Variants in CYP4V2 observed in about 807,000 individuals in gnomAD.
CYP4V2 encodes the protein cytochrome P450 family 4 subfamily V member 2, also known as cytochrome P450 4V2.
Under a neutral mutation model 60.8 loss-of-function variants are expected in CYP4V2, and 55 were observed. That is an observed-to-expected ratio of 0.90 (90% CI 0.73 to 1.13). The LOEUF is 1.13. Ranked by LOEUF, CYP4V2 falls within the 50% of genes most tolerant of loss-of-function variation. The pLI is 0.00. For synonymous variants in CYP4V2, 239 were observed against 236.8 expected (o/e 1.01, Z -0.08); for missense variants, 675 against 662.9 (o/e 1.02, Z -0.20).
In CYP4V2 at chr4:186,196,952, A is replaced by G. The variant is rs1274455104; in HGVS notation, c.426A>G (p.Lys142=). 2 of 1,613,176 alleles carry G rather than the reference A, an allele frequency of 1.2e-6. No individual in the cohort carries two copies. Among genetic ancestry groups the G allele is most frequent in the Non-Finnish European group, 1.7e-6 (2 of 1,180,014 alleles). The change falls in exon 4 of 11, where the codon AAA becomes AAG. Residue 142 remains lysine (K), a synonymous_variant. Coordinates refer to ENST00000378802, the MANE Select transcript of CYP4V2 (RefSeq NM_207352.4). ...ATTTTATTTCTAGTACTGGAAACAA[A>G]TGGCGCTCCAGGAGAAAGATGTTAA... ...GLGLLTSTGN[K]WRSRRKMLTP...
At position 186,197,060 on chromosome 4, in the gene CYP4V2, A is replaced by C; in HGVS notation, c.534A>C (p.Glu178Asp). 2 of 1,613,788 alleles carry C rather than the reference A, an allele frequency of 1.2e-6. No homozygotes were observed. Among genetic ancestry groups the C allele is most frequent in the Non-Finnish European group, 1.7e-6 (2 of 1,179,978 alleles). The change falls in exon 4 of 11, where the codon GAA becomes GAC. Residue 178 changes from glutamate (E) to aspartate (D), a missense_variant. Transcript: ENST00000378802. ...EQANILVKKL[E>D]KHINQEAFNC... ...CAAATATATTGGTTAAGAAACTTGA[A>C]AAACACATTAACCAAGAAGCATTTA...
At chr4:186,201,542 C>G in intron 7 of CYP4V2, 200 bp downstream of exon 7, 1 of 568,354 alleles carries the variant, frequency 1.8e-6, no homozygotes, top group Admixed American at 3.2e-5. Context: ...TTGACTAGTG[C>G]TGGGCACAGC....
At chr4:186,208,273 C>T (rs948964140) in intron 8 of CYP4V2, among the ~76,000 whole-genome samples, 32 of 149,796 alleles carry the variant, frequency 2.1e-4, no homozygotes, top group African/African-American at 7.4e-4. Flanking sequence ...TATTTAGCAT[C>T]CCCTGCCTTG....
At chr4:186,196,385 A>C (rs887937847) in intron 3 of CYP4V2, 14 of 436,562 alleles carry the variant, frequency 3.2e-5, no homozygotes, top group African/African-American at 2.8e-4. Context: ...GGACACAGTA[A>C]AGCAAAGGAG....
chr4:186,212,514 A>C lies in CYP4V2; in HGVS notation c.*1873A>C, dbSNP rs1032178162. On this transcript the variant is annotated 3_prime_UTR_variant, in exon 11 of 11. Transcript: ENST00000378802. The stretch of plus-strand genomic sequence containing the variant: ...TTTAAACAAGATTGGTTTTGTTTTC[A>C]ATTTTTATTCACTCTTCATAGAATC... 2 of 152,200 alleles carry C rather than the reference A, an allele frequency of 1.3e-5. No individual in the cohort carries two copies. The highest frequency in any genetic ancestry group is 4.8e-5 in the African/African-American group (2 of 41,444). The allele number at this position is 152,200 out of a possible 1,614,324, so 9.4% of individuals were successfully genotyped here.
intron 8 of CYP4V2, among the ~76,000 whole-genome samples, chr4:186,205,856 TC>T (rs1285547381): frequency 3.3e-5 from 5 of 152,260 alleles, no homozygotes; most frequent in East Asian, 1.9e-4. Flanking sequence ...TGATTGACGT[TC>T]CAAGCATCAC....
chr4:186,196,776 T>G (rs1375027039), intron 3 of CYP4V2, 164 bp from the exon 4 acceptor site: 5 of 647,708 alleles, frequency 7.7e-6, no homozygotes, highest in Non-Finnish European at 1.3e-5. Context: ...TGTGTATATC[T>G]TTGTCATTCT....
intron 7 of CYP4V2, chr4:186,204,818 G>A (rs1001229726): frequency 4.6e-5 from 16 of 345,916 alleles, no homozygotes; most frequent in Admixed American, 2.3e-4. Context: ...ATCAACAGGT[G>A]AGGCCCACCT....
chr4:186,210,092 T>C (rs891465901), intron 10 of CYP4V2, among the ~76,000 whole-genome samples: 70 of 152,218 alleles, frequency 4.6e-4, no homozygotes, highest in Non-Finnish European at 1.5e-4. Context: ...TTGTCATTTA[T>C]GTAAATGCAG....
chr4:186,194,653 T>A (rs775367222), intron 2 of CYP4V2, 41 bp downstream of exon 2: 1 of 1,515,920 alleles, frequency 6.6e-7, no homozygotes, highest in Non-Finnish European at 9.2e-7. Context: ...ACTGTGTATC[T>A]GACAGTGTGA....
Position 186,191,751 on chromosome 4 carries a change from G to T in CYP4V2, c.-73G>T, listed in dbSNP as rs1382463612. ...GCGGGGAAGTGGGCGGTGTGCGGCCGGCACCGCCTCGCACCACGCCCCCGC... is the reference window on the plus strand; with the variant it reads ...GCGGGGAAGTGGGCGGTGTGCGGCCTGCACCGCCTCGCACCACGCCCCCGC... On this transcript the variant is annotated 5_prime_UTR_variant, in exon 1 of 11. Coordinates refer to ENST00000378802, the MANE Select transcript of CYP4V2 (RefSeq NM_207352.4). The T allele has an allele frequency of 7.7e-6, 10 of 1,304,444 alleles. No individual in the cohort carries two copies. The highest frequency in any genetic ancestry group is 9.8e-6 in the Non-Finnish European group (10 of 1,020,740). 80.8% of individuals were successfully genotyped at this position (1,304,444 alleles called of 1,614,324 possible).
chr4:186,194,615 G>A lies in CYP4V2; in HGVS notation c.327+3G>A. The A allele has an allele frequency of 1.2e-6, 2 of 1,609,286 alleles. No homozygotes were observed. The highest frequency in any genetic ancestry group is 8.5e-7 in the Non-Finnish European group (1 of 1,175,764). The stretch of plus-strand genomic sequence containing the variant: ...TTTATAATGCAGAAAATGTGGAGGT[G>A]GGTACATGTGAATATGATCAGTATT... On this transcript the variant is annotated splice_donor_region_variant and intron_variant, in intron 2 of 10. Coordinates refer to ENST00000378802, the MANE Select transcript of CYP4V2 (RefSeq NM_207352.4).
chr4:186,202,163 T>TA (rs554963640), intron 7 of CYP4V2: 67 of 152,360 alleles, frequency 4.4e-4, no homozygotes, highest in African/African-American at 1.3e-3. Context: ...ATTAGCCAAA[T>TA]AAGATAGTTC....
chr4:186,205,122 T>A, intron 7 of CYP4V2, 78 bp from the exon 8 acceptor site: 1 of 1,347,042 alleles, frequency 7.4e-7, no homozygotes, highest in Admixed American at 1.7e-5. Context: ...CCAGAGACAA[T>A]TCAAAAGAGG....
In CYP4V2 at chr4:186,191,696, AC is replaced by A; in HGVS notation, c.-124del. The A allele has an allele frequency of 1.1e-6, 1 of 893,244 alleles. No homozygotes were observed. Among genetic ancestry groups the A allele is most frequent in the Non-Finnish European group, 1.5e-6 (1 of 684,260 alleles). The allele number at this position is 893,244 out of a possible 1,614,324, so 55.3% of individuals were successfully genotyped here. A position where few individuals can be genotyped will look rare whatever the true frequency, so the allele number is the denominator to read the frequency against. On this transcript the variant is annotated 5_prime_UTR_variant, in exon 1 of 11. Coordinates refer to ENST00000378802, the MANE Select transcript of CYP4V2 (RefSeq NM_207352.4). ...GAAACGTCGTTCCGGGGACCGGGCG[AC>A]CCCGCAGCGGGGAGCGCGCCAGGTC... is the stretch of plus-strand genomic sequence containing the variant.
intron 8 of CYP4V2, among the ~76,000 whole-genome samples, chr4:186,207,585 AATTAATACTTTGCAAGT>A (rs1288986054): frequency 1.7e-5 from 1 of 59,774 alleles, no homozygotes; most frequent in Non-Finnish European, 4.2e-5. Context: ...AATAATTAAT[AATTAATACTTTGCAAGT>A]ATTAATTCCT....
chr4:186,199,916 T>C (rs2292428), intron 6 of CYP4V2, among the ~76,000 whole-genome samples: 62,591 of 152,024 alleles, frequency 0.41, 13,119 homozygotes, highest in South Asian at 0.56. Flanking sequence ...ATTGGAGTTA[T>C]GTCCTTGTGG....
chr4:186,196,693 C>A, intron 3 of CYP4V2: 4 of 442,260 alleles, frequency 9.0e-6, no homozygotes, highest in South Asian at 3.9e-5. Flanking sequence ...TTTATGAATG[C>A]TATTTTAAAC....
Position 186,191,803 on chromosome 4 carries a change from C to G in CYP4V2, c.-21C>G, listed in dbSNP as rs1486120621. ...GGCCCGCACTTTCCCGGAGTGCACCCCGCGGCCGCCAGCCGGGGCGATGGC... is the reference window on the plus strand; with the variant it reads ...GGCCCGCACTTTCCCGGAGTGCACCGCGCGGCCGCCAGCCGGGGCGATGGC... On this transcript the variant is annotated 5_prime_UTR_variant, in exon 1 of 11. Coordinates refer to ENST00000378802, the MANE Select transcript of CYP4V2 (RefSeq NM_207352.4). The G allele has an allele frequency of 1.3e-5, 20 of 1,522,834 alleles. No individual in the cohort carries two copies. Among genetic ancestry groups the G allele is most frequent in the Non-Finnish European group, 1.7e-5 (19 of 1,141,664 alleles). 94.3% of individuals were successfully genotyped at this position (1,522,834 alleles called of 1,614,324 possible). A position where few individuals can be genotyped will look rare whatever the true frequency, so the allele number is the denominator to read the frequency against.
Sources: allele counts gnomAD v4.1 joint callset (sites outside exome capture counted in the v4.1 genomes callset), GRCh38; gene constraint gnomAD v4.1.1; transcripts MANE v1.5; gene names NCBI Gene and HGNC (gene_info 2026-07-23, HGNC 2026-07-21).